TARS3: variants seen among roughly 807,000 people sequenced by gnomAD.
TARS3 encodes the protein threonyl-tRNA synthetase 3.
In TARS3, 94 loss-of-function variants were observed where a neutral mutation model predicts 103.5. The observed-to-expected ratio is 0.91, with a 90% CI of 0.77 to 1.08. TARS3 has a LOEUF of 1.08. Among genes scored for constraint, TARS3 ranks in the 50% least tolerant of loss-of-function variants. The probability of loss-of-function intolerance (pLI) is 0.00; values close to 1 mark genes in which losing one functional copy is unlikely to be tolerated. For missense variants in TARS3, 952 were observed against 995.2 expected (o/e 0.96, Z 0.58); for synonymous variants, 416 against 355.4 (o/e 1.17, Z -1.92).
intron 15 of TARS3, among the ~76,000 whole-genome samples, chr15:101,667,710 A>G (rs1192422516): frequency 6.6e-6 from 1 of 152,072 alleles, no homozygotes; most frequent in Non-Finnish European, 1.5e-5. Context: ...AGCTGGGATT[A>G]CAGGCACCCA....
chr15:101,692,136 T>A (rs568668452), intron 10 of TARS3, among the ~76,000 whole-genome samples: 1 of 152,338 alleles, frequency 6.6e-6, no homozygotes, highest in East Asian at 1.9e-4. Flanking sequence ...AATGGGAAGT[T>A]CCAAAGGATT....
intron 6 of TARS3, among the ~76,000 whole-genome samples, chr15:101,706,230 C>T (rs781271040): frequency 2.3e-4 from 35 of 152,104 alleles, no homozygotes; most frequent in Non-Finnish European, 4.0e-4. Context: ...TCTAGTGATC[C>T]GCCTGCCTTG....
chr15:101,715,275 T>C (rs1209212878), intron 3 of TARS3, among the ~76,000 whole-genome samples: 3 of 150,296 alleles, frequency 2.0e-5, no homozygotes, highest in Non-Finnish European at 4.5e-5. Flanking sequence ...GCCTCCCAAG[T>C]AGCTGGGACT....
At chr15:101,697,695 G>C (rs180754577) in intron 10 of TARS3, among the ~76,000 whole-genome samples, 1 of 152,068 alleles carries the variant, frequency 6.6e-6, no homozygotes, top group Non-Finnish European at 1.5e-5. Context: ...TCTTAAGGGC[G>C]GGGCTGTAAG....
chr15:101,692,267 C>T (rs12440512), intron 10 of TARS3, among the ~76,000 whole-genome samples: 11,339 of 149,174 alleles, frequency 0.076, 431 homozygotes, highest in South Asian at 0.16. Context: ...CTCTCCTCCA[C>T]GGCTCCAAGC....
Position 101,714,860 on chromosome 15 carries a change from C to A in TARS3, c.670G>T (p.Asp224Tyr). ...GDSSLELLTF[D>Y]NEEAQAVYWH... Reference sequence around the variant, plus strand: ...CTCACAGCTTGAGCTTCCTCATTATCAAATGTAAGCAGCTCTAGAGAAGAG... The same window carrying A: ...CTCACAGCTTGAGCTTCCTCATTATAAAATGTAAGCAGCTCTAGAGAAGAG... Residue 224 changes from aspartate to tyrosine, a missense_variant, in exon 4 of 19, where the codon GAT (aspartate) becomes TAT (tyrosine). This residue lies in a region of TARS3 where 412 missense variants were observed against 364.2 expected (regional missense o/e 1.13). Coordinates refer to ENST00000335968, the MANE Select transcript of TARS3 (RefSeq NM_152334.3). 6.2e-7 allele frequency: 1 copy of A among 1,607,614 alleles called. No individual in the cohort carries two copies. Among genetic ancestry groups the A allele is most frequent in the South Asian group, 1.1e-5 (1 of 89,864 alleles).
Position 101,723,097 on chromosome 15 carries a change from C to T in TARS3, c.365G>A (p.Ser122Asn). The change falls in exon 2 of 19, where the codon AGC becomes AAC. Residue 122 changes from serine to asparagine, a missense_variant. Transcript: ENST00000335968. Reference sequence around the variant, plus strand: ...GTTTCCACAGCAACAACTTACCTCGCTGTCAGCCTCGCTTTCCTTCATTTT... The same window carrying T: ...GTTTCCACAGCAACAACTTACCTCGTTGTCAGCCTCGCTTTCCTTCATTTT... ...KKKMKESEAD[S>N]EVKHQPIFIK... 6.2e-7 allele frequency: 1 copy of T among 1,614,096 alleles called. No homozygotes were observed. Among genetic ancestry groups the T allele is most frequent in the East Asian group, 2.2e-5 (1 of 44,886 alleles).
Position 101,686,060 on chromosome 15 carries a change from C to T in TARS3, c.1323G>A (p.Glu441=). 5.6e-6 allele frequency: 9 copies of T among 1,602,434 alleles called. No individual in the cohort carries two copies. Among genetic ancestry groups the T allele is most frequent in the Non-Finnish European group, 7.7e-6 (9 of 1,172,418 alleles). Residue 441 remains glutamate (E), a splice_region_variant and synonymous_variant, in exon 11 of 19, where the codon GAG becomes GAA. Transcript: ENST00000335968. The part of the protein sequence containing the change: ...IYNTLTDFIR[E]EYHKRDFTEV... ...CCGTGAAGTCCCGTTTGTGATATTC[C>T]TCCTTCAAGATACATGCATTCAACA... is the stretch of plus-strand genomic sequence containing the variant.
intron 10 of TARS3, among the ~76,000 whole-genome samples, chr15:101,690,038 G>A (rs1024399149): frequency 2.0e-5 from 3 of 152,202 alleles, no homozygotes; most frequent in Admixed American, 1.3e-4. Flanking sequence ...TCAGATTTAG[G>A]TGAAACTGAA....
chr15:101,702,526 T>G, intron 8 of TARS3, 141 bp from the exon 9 acceptor site: 1 of 714,298 alleles, frequency 1.4e-6, no homozygotes, highest in Non-Finnish European at 2.4e-6. Context: ...TCCCAGCACT[T>G]TGGGAGGCCA....
chr15:101,672,746 T>G (rs1308806826), intron 13 of TARS3, among the ~76,000 whole-genome samples: 2 of 152,134 alleles, frequency 1.3e-5, no homozygotes, highest in African/African-American at 2.4e-5. Flanking sequence ...GCTTCTTTTC[T>G]ACTTAGGACC....
At position 101,723,430 on chromosome 15, in the gene TARS3, G is replaced by A. The variant is rs560108030; in HGVS notation, c.298-266C>T. Among the ~76,000 whole-genome samples, 3 of 152,290 alleles carry A rather than the reference G, an allele frequency of 2.0e-5. No individual in the cohort carries two copies. The East Asian group carries it at 5.8e-4, about 29-fold the overall frequency. On this transcript the variant is annotated intron_variant, in intron 1 of 18. Coordinates refer to ENST00000335968, the MANE Select transcript of TARS3 (RefSeq NM_152334.3). ...TAAACAAATAATGTGGCTGGAAAAT[G>A]TGTGGTTGCTGCCCGCCACATCAAA...
chr15:101,714,081 C>T (rs532541259), intron 4 of TARS3, among the ~76,000 whole-genome samples: 5 of 152,054 alleles, frequency 3.3e-5, no homozygotes, highest in African/African-American at 9.6e-5. Context: ...CAGGCGACAA[C>T]GTATATCAGA....
rs76070620 is a variant in TARS3 at position 101,704,342 on chromosome 15, A to G, written c.996-405T>C. On this transcript the variant is annotated intron_variant, in intron 7 of 18. Coordinates refer to ENST00000335968, the MANE Select transcript of TARS3 (RefSeq NM_152334.3). The stretch of plus-strand genomic sequence containing the variant: ...ATGCCAAATTAGCATGAAAGGCTTC[A>G]ATACTCTAATCTTTACATAGAAAGT... 3.2e-3 allele frequency among the ~76,000 whole-genome samples: 489 copies of G among 152,282 alleles called. 3 individuals carry two copies. The highest frequency in any genetic ancestry group is 0.011 in the African/African-American group (461 of 41,566).
Position 101,722,864 on chromosome 15 carries a change from T to C in TARS3, c.369+229A>G, listed in dbSNP as rs527412990. Among the ~76,000 whole-genome samples the C allele has an allele frequency of 1.1e-3, 167 of 151,888 alleles. 3 individuals carry two copies. The highest frequency in any genetic ancestry group is 7.7e-3 in the Admixed American group (118 of 15,250). ...ACCAAACAAAAAAAACCAACTCTAG[T>C]ACTCTAGTAGCACAACTTAAATAGA... On this transcript the variant is annotated intron_variant, in intron 2 of 18. Coordinates refer to ENST00000335968, the MANE Select transcript of TARS3 (RefSeq NM_152334.3).
intron 15 of TARS3, among the ~76,000 whole-genome samples, chr15:101,667,515 T>C (rs1897626467): frequency 6.6e-6 from 1 of 152,202 alleles, no homozygotes; most frequent in Admixed American, 6.5e-5. Context: ...TCTGGATAAC[T>C]TGCTGAAGCT....
At chr15:101,710,694 C>T (rs1899818595) in intron 5 of TARS3, among the ~76,000 whole-genome samples, 2 of 152,184 alleles carry the variant, frequency 1.3e-5, no homozygotes, top group South Asian at 4.1e-4. Flanking sequence ...GTAGTAGCTA[C>T]ACAGCATTGG....
intron 10 of TARS3, among the ~76,000 whole-genome samples, chr15:101,695,110 G>A (rs569355465): frequency 6.6e-6 from 1 of 152,264 alleles, no homozygotes; most frequent in South Asian, 2.1e-4. Context: ...ACCACAAAAT[G>A]GCTTGAGGTA....
intron 18 of TARS3, among the ~76,000 whole-genome samples, chr15:101,655,228 C>A (rs1486690858): frequency 6.9e-6 from 1 of 143,902 alleles, no homozygotes; most frequent in Non-Finnish European, 1.5e-5. Context: ...ACACTGACCC[C>A]ACCTGGCACT....
Sources: allele counts gnomAD v4.1 joint callset (sites outside exome capture counted in the v4.1 genomes callset), GRCh38; gene constraint gnomAD v4.1.1; regional missense constraint gnomAD v4.1.1; transcripts MANE v1.5; gene names NCBI Gene and HGNC (gene_info 2026-07-23, HGNC 2026-07-21).